Variants in PAPOLA observed in about 807,000 individuals in gnomAD.
The protein encoded by PAPOLA is poly(A) polymerase alpha, also known as polynucleotide adenylyltransferase alpha.
A neutral mutation model predicts 100.6 loss-of-function variants in PAPOLA; 15 were observed. That is an observed-to-expected ratio of 0.15 (90% confidence interval 0.10 to 0.23). The LOEUF (loss-of-function observed/expected upper bound fraction) is 0.23. PAPOLA is among the 10% of genes least tolerant of loss of function. The pLI is 1.00. For synonymous variants in PAPOLA, 293 were observed against 300.0 expected, an observed-to-expected ratio of 0.98 and a Z score of 0.24; for missense variants, 533 against 884.2, an observed-to-expected ratio of 0.60 and a Z score of 5.04.
chr14:96,565,104 A>G lies in PAPOLA; in HGVS notation c.*54A>G. 1 of 949,026 alleles carries G rather than the reference A, an allele frequency of 1.1e-6. No homozygotes were observed. Among genetic ancestry groups the G allele is most frequent in the Non-Finnish European group, 1.7e-6 (1 of 575,278 alleles). 58.8% of individuals were successfully genotyped at this position (949,026 alleles called of 1,614,324 possible). ...TCTGCCAACTCAACCTGTTGTCTTC[A>G]AATGCTAAAAAAGGAGAATGGAGGG... On this transcript the variant is annotated 3_prime_UTR_variant, in exon 22 of 22. Transcript: ENST00000216277.
chr14:96,558,530 T>G (rs1901548216), intron 19 of PAPOLA, among the ~76,000 whole-genome samples: 1 of 152,176 alleles, frequency 6.6e-6, no homozygotes, highest in African/African-American at 2.4e-5. Context: ...ACACTTGTGT[T>G]TCTTGTCTGG....
At position 96,565,204 on chromosome 14, in the gene PAPOLA, CG is replaced by C; in HGVS notation, c.*156del. Reference sequence around the variant, plus strand: ...CTTACTGGGCTAATCAGCACTTGATCGGAAGTCCAGGTTAGTATGTGAAGCC... The same window carrying C: ...CTTACTGGGCTAATCAGCACTTGATCGAAGTCCAGGTTAGTATGTGAAGCC... On this transcript the variant is annotated 3_prime_UTR_variant, in exon 22 of 22. Transcript: ENST00000216277. The C allele has an allele frequency of 1.8e-6, 1 of 567,554 alleles. No homozygotes were observed. Among genetic ancestry groups the C allele is most frequent in the South Asian group, 2.3e-5 (1 of 42,804 alleles). 35.2% of individuals were successfully genotyped at this position (567,554 alleles called of 1,614,324 possible). A position where few individuals can be genotyped will look rare whatever the true frequency, so the allele number is the denominator to read the frequency against.
intron 19 of PAPOLA, among the ~76,000 whole-genome samples, chr14:96,560,048 G>C (rs1901711448): frequency 6.6e-6 from 1 of 151,998 alleles, no homozygotes; most frequent in Non-Finnish European, 1.5e-5. Context: ...ATAAGCCTGT[G>C]GTTTTTCTAT....
At chr14:96,533,911 C>T in intron 9 of PAPOLA, 1 of 985,472 alleles carries the variant, frequency 1.0e-6, no homozygotes, top group Non-Finnish European at 1.2e-6. Flanking sequence ...AAGAAGCTAA[C>T]CTTGATGTTA....
intron 1 of PAPOLA, among the ~76,000 whole-genome samples, chr14:96,512,919 T>C (rs1283333861): frequency 6.6e-6 from 1 of 152,210 alleles, no homozygotes; most frequent in Non-Finnish European, 1.5e-5. Context: ...AGAAGCTCCC[T>C]TTTTAGGGGA....
At chr14:96,542,951 C>G (rs1900112598) in intron 14 of PAPOLA, 58 bp downstream of exon 14, 1 of 1,565,730 alleles carries the variant, frequency 6.4e-7, no homozygotes, top group East Asian at 2.3e-5. Context: ...TTCATAGAAG[C>G]TTTTACAGGC....
chr14:96,542,954 T>C, intron 14 of PAPOLA, 61 bp downstream of exon 14: 1 of 1,563,146 alleles, frequency 6.4e-7, no homozygotes, highest in Non-Finnish European at 8.8e-7. Context: ...ATAGAAGCTT[T>C]TACAGGCATT....
intron 15 of PAPOLA, among the ~76,000 whole-genome samples, chr14:96,547,190 A>G (rs148372224): frequency 3.8e-4 from 58 of 152,268 alleles, no homozygotes; most frequent in African/African-American, 1.4e-3. Context: ...TGAATCAAGT[A>G]TAGGTGTTTC....
rs113654126 is a variant in PAPOLA, at chr14:96,552,182, A to G, written c.1522-298A>G. ...TCTGATTTGAGATTCTTGTGTTTTT[A>G]TATTATAGTGTTTTTAATTTGTGTT... On this transcript the variant is annotated intron_variant, in intron 16 of 21. Transcript: ENST00000216277. Among the ~76,000 whole-genome samples, 565 of 152,086 alleles carry G rather than the reference A, an allele frequency of 3.7e-3. 1 individual carries two copies. Among genetic ancestry groups the G allele is most frequent in the African/African-American group, 0.013 (523 of 41,508 alleles).
chr14:96,527,658 AC>A (rs939974278), intron 5 of PAPOLA, 119 bp downstream of exon 5: 7 of 647,282 alleles, frequency 1.1e-5, no homozygotes, highest in Non-Finnish European at 1.9e-5. Context: ...ACCTTTCTAA[AC>A]ACTTGGCATA....
Position 96,544,133 on chromosome 14 carries a change from A to G in PAPOLA, c.1290-16A>G, listed in dbSNP as rs913045958. The G allele has an allele frequency of 7.5e-7, 1 of 1,333,566 alleles. No homozygotes were observed. The highest frequency in any genetic ancestry group is 1.2e-5 in the South Asian group (1 of 83,740). The allele number at this position is 1,333,566 out of a possible 1,614,324, so 82.6% of individuals were successfully genotyped here. ...CATGAAATCCAGATAAACTATGGTA[A>G]TGCTCTTCTTTGCAGGGAAGAATTT... On this transcript the variant is annotated splice_polypyrimidine_tract_variant and intron_variant, in intron 14 of 21. Transcript: ENST00000216277.
Position 96,566,190 on chromosome 14 carries a change from C to CT in PAPOLA, c.*1142dup, listed in dbSNP as rs1441428347. ...TTTCTCCAAGATTTTAAAACTAATT[C>CT]TTATTTTTAAATGGTTTACCAAAAT... On this transcript the variant is annotated 3_prime_UTR_variant, in exon 22 of 22. Coordinates refer to ENST00000216277, the MANE Select transcript of PAPOLA (RefSeq NM_032632.5). The CT allele has an allele frequency of 2.9e-6, 1 of 340,472 alleles. No individual in the cohort carries two copies. Among genetic ancestry groups the CT allele is most frequent in the African/African-American group, 2.1e-5 (1 of 47,430 alleles). 21.1% of individuals were successfully genotyped at this position (340,472 alleles called of 1,614,324 possible). A position where few individuals can be genotyped will look rare whatever the true frequency, so the allele number is the denominator to read the frequency against.
chr14:96,551,439 C>G (rs1311599952), intron 16 of PAPOLA, among the ~76,000 whole-genome samples: 1 of 152,188 alleles, frequency 6.6e-6, no homozygotes, highest in Non-Finnish European at 1.5e-5. Context: ...CTCTTCCTCT[C>G]CTTTCTACCA....
chr14:96,548,016 T>A, intron 16 of PAPOLA, 98 bp downstream of exon 16: 1 of 1,009,740 alleles, frequency 9.9e-7, no homozygotes, highest in Non-Finnish European at 1.5e-6. Context: ...AATAAGTCAT[T>A]TTAAATAGAT....
intron 15 of PAPOLA, among the ~76,000 whole-genome samples, chr14:96,547,075 A>G (rs1900447085): frequency 6.6e-6 from 1 of 151,976 alleles, no homozygotes; most frequent in Admixed American, 6.6e-5. Flanking sequence ...ACTATAGTTT[A>G]TGTTTTATTT....
At chr14:96,564,897 T>A (rs576934046) in intron 21 of PAPOLA, 58 bp from the exon 22 acceptor site, 3 of 887,410 alleles carry the variant, frequency 3.4e-6, no homozygotes, top group Admixed American at 3.5e-5. Flanking sequence ...GGAAAATACA[T>A]CTCATTGTTA....
Position 96,560,686 on chromosome 14 carries a change from G to A in PAPOLA, c.2042G>A (p.Ser681Asn), listed in dbSNP as rs1451698348. Residue 681 changes from serine to asparagine, a missense_variant, in exon 20 of 22, where the codon AGT becomes AAT. Transcript: ENST00000216277. Reference sequence around the variant, plus strand: ...GAAGATGCTAACTGTCTTGCTTTGAGTGGACATGATAAAACAGAAGCAAAG... The same window carrying A: ...GAAGATGCTAACTGTCTTGCTTTGAATGGACATGATAAAACAGAAGCAAAG... ...TSEDANCLAL[S>N]GHDKTEAKEQ... 3 of 1,606,752 alleles carry A rather than the reference G, an allele frequency of 1.9e-6. No homozygotes were observed. The highest frequency in any genetic ancestry group is 1.7e-5 in the Admixed American group (1 of 59,786).
intron 16 of PAPOLA, among the ~76,000 whole-genome samples, chr14:96,551,923 G>A (rs542410386): frequency 1.5e-4 from 23 of 151,924 alleles, no homozygotes; most frequent in Non-Finnish European, 2.9e-4. Context: ...ATTCTGAATT[G>A]CAATTAGAGC....
chr14:96,560,439 T>C, intron 19 of PAPOLA: 1 of 469,034 alleles, frequency 2.1e-6, no homozygotes, highest in Non-Finnish European at 3.7e-6. Flanking sequence ...ACAGTTTTCC[T>C]AATGCTCTTT....
Sources: gnomAD v4.1 joint callset for allele counts (sites outside exome capture counted in the v4.1 genomes callset) on GRCh38, gnomAD v4.1.1 for gene constraint, MANE v1.5 for transcripts, NCBI Gene and HGNC (gene_info 2026-07-23, HGNC 2026-07-21) for gene names.